HIPK1: variants seen among roughly 807,000 people sequenced by gnomAD.
HIPK1 encodes the protein homeodomain interacting protein kinase 1, also known as homeodomain-interacting protein kinase 1.
Under a neutral mutation model 117.1 loss-of-function variants are expected in HIPK1, and 28 were observed. The ratio of observed to expected loss-of-function variants is 0.24; its 90% CI spans 0.18 to 0.33. The LOEUF (loss-of-function observed/expected upper bound fraction) is 0.33, where lower values mean the gene tolerates loss of function less well. HIPK1 is among the 10% of genes least tolerant of loss of function. The pLI, the probability that HIPK1 is intolerant of heterozygous loss-of-function variation, is 1.00. For missense variants in HIPK1, 1,122 were observed against 1,475.1 expected (o/e 0.76, Z 3.92); for synonymous variants, 605 against 562.5 (o/e 1.08, Z -1.07).
chr1:113,970,569 C>G (rs574891905), intron 14 of HIPK1, among the ~76,000 whole-genome samples: 1 of 152,312 alleles, frequency 6.6e-6, no homozygotes, highest in East Asian at 1.9e-4. Context: ...TTGAAAATGA[C>G]TGCAAAAGTG....
intron 1 of HIPK1, among the ~76,000 whole-genome samples, 163 bp from the exon 2 acceptor site, chr1:113,940,219 T>G (rs1670558324): frequency 6.6e-6 from 1 of 152,240 alleles, no homozygotes; most frequent in Admixed American, 6.5e-5. Context: ...ACACTGTTTC[T>G]ATGAATATAG....
chr1:113,932,386 T>A (rs1669956586), intron 1 of HIPK1, among the ~76,000 whole-genome samples: 2 of 150,802 alleles, frequency 1.3e-5, no homozygotes, highest in Non-Finnish European at 3.0e-5. Context: ...TTTTTTTTTT[T>A]TTTTTATTTG....
At chr1:113,957,981 TTTTTCTGGATAAATTCTGTA>T (rs1283557905) in intron 7 of HIPK1, 65 bp from the exon 8 acceptor site, 1 of 1,031,808 alleles carries the variant, frequency 9.7e-7, no homozygotes, top group Non-Finnish European at 1.5e-6. Context: ...TTATTCTACG[TTTTTCTGGATAAATTCTGTA>T]TATATAAAAT....
Position 113,975,607 on chromosome 1 carries a change from C to T in HIPK1, c.*2095C>T, listed in dbSNP as rs528504955. 97 of 152,648 alleles carry T rather than the reference C, an allele frequency of 6.4e-4. No homozygotes were observed. The highest frequency in any genetic ancestry group is 2.2e-3 in the African/African-American group (92 of 41,472). The allele number at this position is 152,648 out of a possible 1,614,324, so 9.5% of individuals were successfully genotyped here. ...TTGCTTGTTGAAAAAAACATGTTAA[C>T]AGATGTGTTTATACCAAAGAGCCTG... is the stretch of plus-strand genomic sequence containing the variant. On this transcript the variant is annotated 3_prime_UTR_variant, in exon 16 of 16. Transcript: ENST00000426820.
At chr1:113,929,879 TCTC>T (rs1414975481) in intron 1 of HIPK1, 20 of 986,730 alleles carry the variant, frequency 2.0e-5, no homozygotes, top group East Asian at 1.1e-4. Flanking sequence ...CCAGATCTCG[TCTC>T]CTCCGCCGCC....
chr1:113,951,303 T>C, intron 2 of HIPK1: 1 of 979,504 alleles, frequency 1.0e-6, no homozygotes, highest in Non-Finnish European at 1.2e-6. Context: ...GTATGTACTT[T>C]TACTTATTGA....
intron 1 of HIPK1, chr1:113,932,182 A>G (rs892180197): frequency 1.3e-5 from 2 of 151,522 alleles, no homozygotes; most frequent in Non-Finnish European, 2.9e-5. Context: ...TTTCTTTTTC[A>G]TGTGTTATAT....
intron 1 of HIPK1, among the ~76,000 whole-genome samples, chr1:113,934,781 T>C: frequency 8.5e-6 from 1 of 118,188 alleles, no homozygotes; most frequent in South Asian, 2.8e-4. Context: ...AGACCTCATC[T>C]CTGAAAAAAA....
intron 1 of HIPK1, chr1:113,932,158 T>C (rs1480141989): frequency 6.6e-6 from 1 of 152,150 alleles, no homozygotes; most frequent in African/African-American, 2.4e-5. Flanking sequence ...TTACATCCTG[T>C]TTTCATATTT....
chr1:113,953,976 T>G (rs975150323), intron 3 of HIPK1: 3 of 152,212 alleles, frequency 2.0e-5, no homozygotes, highest in Non-Finnish European at 4.4e-5. Flanking sequence ...AGTTTTTATT[T>G]TTTTAGAGAC....
chr1:113,933,118 T>C (rs1670008322), intron 1 of HIPK1: 2 of 937,792 alleles, frequency 2.1e-6, no homozygotes, highest in Admixed American at 1.2e-4. Flanking sequence ...GCACTTACTT[T>C]TCTTTTGTTC....
Position 113,941,265 on chromosome 1 carries a change from A to T in HIPK1, c.882A>T (p.Pro294=). The T allele has an allele frequency of 6.2e-7, 1 of 1,614,240 alleles. No homozygotes were observed. ...CACTGCCACTCAAGTACATCAGACC[A>T]ATCTTGCAGCAGGTGGCCACAGCCT... ...FSPLPLKYIR[P]ILQQVATALM... Residue 294 remains proline (P), a synonymous_variant, in exon 2 of 16, where the codon CCA becomes CCT. Transcript: ENST00000426820. This position sits in a 1 kb window ranked among gnomAD's most constrained non-coding sequence, Gnocchi z 4.9.
chr1:113,938,965 T>TACACACACAC (rs1558126082), intron 1 of HIPK1, among the ~76,000 whole-genome samples: 3,383 of 109,218 alleles, frequency 0.031, 262 homozygotes, highest in East Asian at 0.29. Context: ...CACACACACT[T>TACACACACAC]AGGAGATGGA....
intron 2 of HIPK1, chr1:113,951,270 C>G: frequency 1.0e-6 from 1 of 984,414 alleles, no homozygotes; most frequent in Non-Finnish European, 1.2e-6. Context: ...TCCACCATGT[C>G]AAATATAAAT....
At chr1:113,960,998 T>C (rs1672069886) in intron 8 of HIPK1, among the ~76,000 whole-genome samples, 1 of 152,194 alleles carries the variant, frequency 6.6e-6, no homozygotes, top group South Asian at 2.1e-4. Context: ...GTCACCTAAG[T>C]AGTCTTTAAT....
chr1:113,957,294 A>G lies in HIPK1; in HGVS notation c.1755+8A>G, dbSNP rs1671788625. On this transcript the variant is annotated splice_region_variant and intron_variant, in intron 7 of 15. Coordinates refer to ENST00000426820, the MANE Select transcript of HIPK1 (RefSeq NM_198268.3). The stretch of plus-strand genomic sequence containing the variant: ...AATACAGTGCACAATCAGGTATTCA[A>G]TAAATAATTTTGGAAACTCAAGCTT... 8.1e-6 allele frequency: 13 copies of G among 1,602,722 alleles called. No homozygotes were observed. The highest frequency in any genetic ancestry group is 2.2e-5 in the East Asian group (1 of 44,726).
At chr1:113,971,793 C>A in intron 14 of HIPK1, 31 bp from the exon 15 acceptor site, 1 of 1,581,274 alleles carries the variant, frequency 6.3e-7, no homozygotes, top group Non-Finnish European at 8.6e-7. Context: ...GTGATGTCTA[C>A]TCATAACTAT....
At chr1:113,950,437 G>A (rs1385182978) in intron 2 of HIPK1, among the ~76,000 whole-genome samples, 1 of 152,154 alleles carries the variant, frequency 6.6e-6, no homozygotes, top group Non-Finnish European at 1.5e-5. Flanking sequence ...AAGAAAGAAA[G>A]GAAATTATTT....
At chr1:113,942,001 TC>T (rs1410716276) in intron 2 of HIPK1, among the ~76,000 whole-genome samples, 5 of 151,988 alleles carry the variant, frequency 3.3e-5, no homozygotes, top group Non-Finnish European at 4.4e-5. Context: ...GACCTCGTGA[TC>T]CACCCGTCTC....
Sources: allele counts gnomAD v4.1 joint callset (sites outside exome capture counted in the v4.1 genomes callset), GRCh38; gene constraint gnomAD v4.1.1; non-coding constraint Gnocchi (gnomAD v3.1); transcripts MANE v1.5; gene names NCBI Gene and HGNC (gene_info 2026-07-23, HGNC 2026-07-21).